The following PCDHA7 variants were observed in gnomAD, a reference collection of about 807,000 sequenced individuals.
The protein encoded by PCDHA7 is protocadherin alpha 7, also known as protocadherin alpha-7.
A neutral mutation model predicts 57.2 loss-of-function variants in PCDHA7; 37 were observed. That is an observed-to-expected ratio of 0.65 (90% CI 0.50 to 0.85). The LOEUF (loss-of-function observed/expected upper bound fraction) is 0.85. PCDHA7 is among the 40% of genes least tolerant of loss of function. The pLI, the probability that PCDHA7 is intolerant of heterozygous loss-of-function variation, is 0.00. For missense variants in PCDHA7, 1,188 were observed against 1,241.8 expected (o/e 0.96, Z 0.65); for synonymous variants, 553 against 558.8 (o/e 0.99, Z 0.15).
intron 1 of PCDHA7, chr5:140,847,751 C>T (rs1781170062): frequency 1.3e-5 from 2 of 149,804 alleles, no homozygotes; most frequent in Non-Finnish European, 3.0e-5. Context: ...CCCCACGCAA[C>T]ACAAGACCTT....
intron 1 of PCDHA7, among the ~76,000 whole-genome samples, chr5:140,971,359 G>T (rs537725732): frequency 6.6e-5 from 10 of 152,312 alleles, no homozygotes; most frequent in Admixed American, 3.3e-4. Flanking sequence ...GGGAGATTTT[G>T]CCAGGAGAGT....
At chr5:141,005,701 CAAAAAAAAAAAAAAAAAAAA>C (rs59860837) in intron 3 of PCDHA7, among the ~76,000 whole-genome samples, 1 of 7,786 alleles carries the variant, frequency 1.3e-4, no homozygotes, top group Admixed American at 1.6e-3. Flanking sequence ...AACTCCGTCT[CAAAAAAAAAAAAAAAAAAAA>C]AAAAAAAAAA....
At chr5:140,884,188 G>C in intron 1 of PCDHA7, 1 of 1,613,436 alleles carries the variant, frequency 6.2e-7, no homozygotes, top group Middle Eastern at 1.7e-4. Flanking sequence ...TGGACGAGGT[G>C]GACGCGCCGC....
intron 1 of PCDHA7, chr5:140,967,795 G>A (rs1399903836): frequency 3.1e-6 from 5 of 1,614,068 alleles, no homozygotes; most frequent in Non-Finnish European, 1.7e-6. Context: ...GGGGTCCAGT[G>A]CCCATGGCAG....
intron 1 of PCDHA7, chr5:140,882,750 A>G (rs781948584): frequency 1.9e-5 from 30 of 1,614,128 alleles, no homozygotes; most frequent in Non-Finnish European, 2.4e-5. Context: ...TCCGATGCAG[A>G]TATTGGAGTA....
chr5:140,861,591 A>G, intron 1 of PCDHA7: 1 of 374,610 alleles, frequency 2.7e-6, no homozygotes, highest in South Asian at 2.5e-5. Context: ...TGTGGAGGTG[A>G]AAGTGAAGAA....
intron 1 of PCDHA7, chr5:140,842,520 C>T (rs2150337946): frequency 6.2e-7 from 1 of 1,613,528 alleles, no homozygotes; most frequent in East Asian, 2.2e-5. Context: ...CTGGTGTCCA[C>T]CTTCAAGAAT....
At chr5:140,856,784 T>C in intron 1 of PCDHA7, 2 of 1,596,522 alleles carry the variant, frequency 1.3e-6, no homozygotes, top group Non-Finnish European at 1.7e-6. Flanking sequence ...CAGACCGGTT[T>C]ATGAAGTTAA....
In PCDHA7 at chr5:140,851,551, T is replaced by C; in HGVS notation, c.2355+14813T>C. Reference sequence around the variant, plus strand: ...GACAATGTAGATAATTCAAGAAATGTTGACTGAAATTTTGTCTACACTTAG... The same window carrying C: ...GACAATGTAGATAATTCAAGAAATGCTGACTGAAATTTTGTCTACACTTAG... On this transcript the variant is annotated intron_variant, in intron 1 of 3. Coordinates refer to ENST00000525929, the MANE Select transcript of PCDHA7 (RefSeq NM_018910.3). The C allele has an allele frequency of 5.5e-6, 5 of 908,010 alleles. No individual in the cohort carries two copies. In the South Asian group the frequency reaches 2.0e-4, roughly 36 times the overall value. The allele number at this position is 908,010 out of a possible 1,614,324, so 56.2% of individuals were successfully genotyped here. A position where few individuals can be genotyped will look rare whatever the true frequency, so the allele number is the denominator to read the frequency against.
rs538891766 is a variant in PCDHA7 at position 140,931,784 on chromosome 5, A to G, written c.2356-47165A>G. The stretch of plus-strand genomic sequence containing the variant: ...TTTACTTCTTCCTGTTCAATTACCT[A>G]TTGATCTGATCTTAATTCTTTAGAA... On this transcript the variant is annotated intron_variant, in intron 1 of 3. Transcript: ENST00000525929. Among the ~76,000 whole-genome samples, 13 of 152,080 alleles carry G rather than the reference A, an allele frequency of 8.5e-5. No homozygotes were observed. In the East Asian group the frequency reaches 1.9e-3, roughly 23 times the overall value.
chr5:140,879,824 T>G (rs946010713), intron 1 of PCDHA7, among the ~76,000 whole-genome samples: 2 of 152,250 alleles, frequency 1.3e-5, no homozygotes, highest in Non-Finnish European at 2.9e-5. Context: ...TGGTGTTCCC[T>G]GGCTTGTGGC....
intron 1 of PCDHA7, chr5:140,860,073 G>A (rs1441059020): frequency 4.0e-5 from 6 of 151,782 alleles, no homozygotes; most frequent in African/African-American, 1.5e-4. Flanking sequence ...AGGATGGTTT[G>A]AGGCCAGGAG....
At chr5:140,979,537 A>G (rs538323100) in intron 2 of PCDHA7, among the ~76,000 whole-genome samples, 1 of 152,332 alleles carries the variant, frequency 6.6e-6, no homozygotes, top group East Asian at 1.9e-4. Context: ...ATTGTCATCA[A>G]TGACATGGTT....
intron 1 of PCDHA7, chr5:140,969,495 C>G: frequency 7.0e-7 from 1 of 1,437,888 alleles, no homozygotes; most frequent in Non-Finnish European, 9.2e-7. Context: ...TATTTCCTCT[C>G]TAGAAAAATA....
At position 140,870,837 on chromosome 5, in the gene PCDHA7, G is replaced by T. The variant is rs782610375; in HGVS notation, c.2355+34099G>T. ...GCAGCGCGGGAGGCGCAGTTAACAA[G>T]CTAGTACCGCGGTCGGTGGGTGCGG... On this transcript the variant is annotated intron_variant, in intron 1 of 3. Transcript: ENST00000525929. 5 of 1,613,820 alleles carry T rather than the reference G, an allele frequency of 3.1e-6. No individual in the cohort carries two copies. The South Asian group carries it at 4.4e-5, about 14-fold the overall frequency.
chr5:140,850,540 C>T, intron 1 of PCDHA7: 1 of 1,598,246 alleles, frequency 6.3e-7, no homozygotes, highest in Non-Finnish European at 8.6e-7. Flanking sequence ...TCGTCGCGGG[C>T]GTCAGTGGGT....
chr5:140,988,578 C>A (rs1490917539), intron 3 of PCDHA7, among the ~76,000 whole-genome samples: 1 of 152,138 alleles, frequency 6.6e-6, no homozygotes, highest in African/African-American at 2.4e-5. Context: ...ACACTCTGTA[C>A]CTTCCACTTT....
chr5:140,968,949 T>C, intron 1 of PCDHA7: 1 of 1,614,180 alleles, frequency 6.2e-7, no homozygotes, highest in Non-Finnish European at 8.5e-7. Flanking sequence ...ATTTTGAGCA[T>C]CATCAAGTGC....
chr5:140,852,896 TG>T (rs2042516637), intron 1 of PCDHA7: 1 of 852,490 alleles, frequency 1.2e-6, no homozygotes, highest in Non-Finnish European at 1.4e-6. Context: ...TTTTTTTTTT[TG>T]AGTCAGAGTC....
Sources: allele counts gnomAD v4.1 joint callset (sites outside exome capture counted in the v4.1 genomes callset), GRCh38; gene constraint gnomAD v4.1.1; transcripts MANE v1.5; gene names NCBI Gene and HGNC (gene_info 2026-07-23, HGNC 2026-07-21).